Variants in LRCH1 observed in about 807,000 individuals in gnomAD.
LRCH1 encodes leucine-rich repeat and calponin homology domain-containing protein 1.
LRCH1 carries 23 observed loss-of-function variants against 94.9 expected under a neutral mutation model. The ratio of observed to expected loss-of-function variants is 0.24; its 90% CI spans 0.17 to 0.34. The LOEUF (loss-of-function observed/expected upper bound fraction) is 0.34, where lower values mean the gene tolerates loss of function less well. Among genes scored for constraint, LRCH1 ranks in the 10% least tolerant of loss-of-function variants. The probability of loss-of-function intolerance (pLI) is 1.00; values close to 1 mark genes in which losing one functional copy is unlikely to be tolerated. For missense variants in LRCH1, 790 were observed against 945.9 expected, an observed-to-expected ratio of 0.84 and a Z score of 2.16; for synonymous variants, 364 against 354.9, an observed-to-expected ratio of 1.03 and a Z score of -0.29.
chr13:46,573,038 G>A (rs1244627614), intron 1 of LRCH1, among the ~76,000 whole-genome samples: 1 of 152,142 alleles, frequency 6.6e-6, no homozygotes, highest in Non-Finnish European at 1.5e-5. Context: ...AGAGGGCTTT[G>A]GGGAATTGAA....
intron 1 of LRCH1, among the ~76,000 whole-genome samples, chr13:46,608,887 C>T (rs2050716491): frequency 6.6e-6 from 1 of 152,178 alleles, no homozygotes; most frequent in Admixed American, 6.5e-5. Context: ...TGCATGCATT[C>T]TCCTTAAAGA....
At chr13:46,625,660 G>C (rs532838406) in intron 1 of LRCH1, among the ~76,000 whole-genome samples, 2 of 66,132 alleles carry the variant, frequency 3.0e-5, no homozygotes, top group Non-Finnish European at 6.2e-5. Flanking sequence ...TTTTGGTCTT[G>C]TTTGTTTGTT....
Position 46,553,473 on chromosome 13 carries a change from C to CCCACCACCA in LRCH1, c.90_98dup (p.His31_His33dup). On this transcript the variant is annotated inframe_insertion, in exon 1 of 20. Transcript: ENST00000389797. ...GCTACTCTGCACCCACTTCATCATC[C>CCCACCACCA]CCACCACCACCACCACCACCATCAG... The CCCACCACCA allele has an allele frequency of 1.3e-6, 2 of 1,548,058 alleles. No homozygotes were observed. The highest frequency in any genetic ancestry group is 1.4e-5 in the African/African-American group (1 of 72,880).
rs1873829479 is a variant in LRCH1 at position 46,744,624 on chromosome 13, T to C, written c.*2776T>C. The C allele has an allele frequency of 1.0e-6, 1 of 985,332 alleles. No homozygotes were observed. Among genetic ancestry groups the C allele is most frequent in the Non-Finnish European group, 1.2e-6 (1 of 829,936 alleles). The allele number at this position is 985,332 out of a possible 1,614,324, so 61.0% of individuals were successfully genotyped here. On this transcript the variant is annotated 3_prime_UTR_variant, in exon 20 of 20. Transcript: ENST00000389797. ...AAGGCACTTGATAGCCTGCTGCTATTTGTTTGTAAGAAATTAAAACTAGCG... is the reference window on the plus strand; with the variant it reads ...AAGGCACTTGATAGCCTGCTGCTATCTGTTTGTAAGAAATTAAAACTAGCG...
intron 1 of LRCH1, among the ~76,000 whole-genome samples, chr13:46,636,991 T>C (rs1224338923): frequency 6.6e-6 from 1 of 152,152 alleles, no homozygotes; most frequent in East Asian, 1.9e-4. Flanking sequence ...TGTGAACACT[T>C]CCTTACCTGC....
intron 17 of LRCH1, among the ~76,000 whole-genome samples, chr13:46,727,395 G>A (rs757618184): frequency 4.6e-5 from 7 of 152,220 alleles, no homozygotes; most frequent in Non-Finnish European, 8.8e-5. Flanking sequence ...ACCTGTGGGA[G>A]TGTAACAAAT....
At chr13:46,647,918 T>C in intron 1 of LRCH1, among the ~76,000 whole-genome samples, 1 of 152,088 alleles carries the variant, frequency 6.6e-6, no homozygotes, top group East Asian at 1.9e-4. Flanking sequence ...CCAACCTTTT[T>C]GGCACCAGGG....
intron 3 of LRCH1, among the ~76,000 whole-genome samples, chr13:46,674,545 G>C (rs2051645475): frequency 6.6e-6 from 1 of 152,198 alleles, no homozygotes; most frequent in Non-Finnish European, 1.5e-5. Flanking sequence ...GACCTTCCTG[G>C]CTGCTCTGAA....
chr13:46,626,518 TC>T (rs1324281324), intron 1 of LRCH1, among the ~76,000 whole-genome samples: 1 of 152,210 alleles, frequency 6.6e-6, no homozygotes, highest in Non-Finnish European at 1.5e-5. Flanking sequence ...CTTTGTGAGA[TC>T]CACTCCTGCC....
chr13:46,696,459 A>G (rs1007859980), intron 9 of LRCH1, among the ~76,000 whole-genome samples: 5 of 152,186 alleles, frequency 3.3e-5, no homozygotes, highest in Non-Finnish European at 7.3e-5. Flanking sequence ...AGATATCAAT[A>G]TTTAAGTTCT....
At chr13:46,708,826 C>T (rs1447980891) in intron 13 of LRCH1, among the ~76,000 whole-genome samples, 1 of 152,180 alleles carries the variant, frequency 6.6e-6, no homozygotes, top group East Asian at 1.9e-4. Flanking sequence ...TATTGATCTC[C>T]TCTTTATTTC....
intron 18 of LRCH1, among the ~76,000 whole-genome samples, chr13:46,731,157 T>C (rs1376676364): frequency 1.3e-5 from 2 of 150,942 alleles, no homozygotes; most frequent in Non-Finnish European, 3.0e-5. Flanking sequence ...AATTAAGTTG[T>C]TTTTTAATTG....
Position 46,701,094 on chromosome 13 carries a change from A to G in LRCH1, c.1314-27A>G, listed in dbSNP as rs139198600. ...TATTCATGTTGTATTGATCGTTTTCATTCTTATGCTTGGTTTCACGTTACA... is the reference window on the plus strand; with the variant it reads ...TATTCATGTTGTATTGATCGTTTTCGTTCTTATGCTTGGTTTCACGTTACA... On this transcript the variant is annotated intron_variant, in intron 10 of 19. Coordinates refer to ENST00000389797, the MANE Select transcript of LRCH1 (RefSeq NM_001164211.2). 1,808 of 1,455,130 alleles carry G rather than the reference A, an allele frequency of 1.2e-3. 6 individuals carry two copies. Among genetic ancestry groups the G allele is most frequent in the African/African-American group, 6.3e-3 (453 of 71,488 alleles). The allele number at this position is 1,455,130 out of a possible 1,614,324, so 90.1% of individuals were successfully genotyped here. A position where few individuals can be genotyped will look rare whatever the true frequency, so the allele number is the denominator to read the frequency against.
At chr13:46,560,658 T>C (rs1170351578) in intron 1 of LRCH1, among the ~76,000 whole-genome samples, 2 of 152,198 alleles carry the variant, frequency 1.3e-5, no homozygotes, top group Admixed American at 6.5e-5. Flanking sequence ...TACTAGTCTT[T>C]TGTTGCATGA....
At chr13:46,712,424 G>T in intron 14 of LRCH1, 101 bp from the exon 15 acceptor site, 1 of 877,516 alleles carries the variant, frequency 1.1e-6, no homozygotes, top group Non-Finnish European at 1.8e-6. Context: ...AATGCAAAAA[G>T]GGAGTAGTTT....
At chr13:46,634,172 C>A (rs1040415750) in intron 1 of LRCH1, among the ~76,000 whole-genome samples, 42 of 152,342 alleles carry the variant, frequency 2.8e-4, no homozygotes, top group African/African-American at 9.1e-4. Context: ...GCCACCGCGC[C>A]CAGCCTTTCC....
chr13:46,660,548 G>C (rs1205042235), intron 2 of LRCH1, among the ~76,000 whole-genome samples: 1 of 152,190 alleles, frequency 6.6e-6, no homozygotes, highest in Non-Finnish European at 1.5e-5. Context: ...GCTTAGAACA[G>C]GTTCTTGGAC....
At chr13:46,737,480 T>C (rs1207404861) in intron 19 of LRCH1, among the ~76,000 whole-genome samples, 1 of 152,154 alleles carries the variant, frequency 6.6e-6, no homozygotes, top group African/African-American at 2.4e-5. Flanking sequence ...AATGCAGCAT[T>C]TTCACATTGG....
intron 2 of LRCH1, among the ~76,000 whole-genome samples, chr13:46,655,491 GC>G (rs1420236083): frequency 6.6e-6 from 1 of 152,212 alleles, no homozygotes; most frequent in Non-Finnish European, 1.5e-5. Flanking sequence ...TAGTATATGT[GC>G]CACTGTGTCT....
Sources: allele counts gnomAD v4.1 joint callset (sites outside exome capture counted in the v4.1 genomes callset), GRCh38; gene constraint gnomAD v4.1.1; transcripts MANE v1.5; gene names NCBI Gene and HGNC (gene_info 2026-07-23, HGNC 2026-07-21).